LARGE1: variants seen among roughly 807,000 people sequenced by gnomAD.
The protein encoded by LARGE1 is xylosyl- and glucuronyltransferase LARGE1.
In LARGE1, 43 loss-of-function variants were observed where a neutral mutation model predicts 87.6. The ratio of observed to expected loss-of-function variants is 0.49; its 90% CI spans 0.38 to 0.63. LARGE1 has a LOEUF of 0.63. Among genes scored for constraint, LARGE1 ranks in the 30% least tolerant of loss-of-function variants. The probability of loss-of-function intolerance (pLI) is 0.00; values close to 1 mark genes in which losing one functional copy is unlikely to be tolerated. For missense variants in LARGE1, 802 were observed against 1,000.2 expected (o/e 0.80, Z 2.67); for synonymous variants, 434 against 394.6 (o/e 1.10, Z -1.18).
the LARGE1 span, among the ~76,000 whole-genome samples, chr22:33,129,118 G>A: frequency 6.6e-6 from 1 of 152,138 alleles, no homozygotes; most frequent in Non-Finnish European, 1.5e-5. Context: ...GCTTTTAATT[G>A]ATATTTTCTA....
intron 2 of LARGE1, among the ~76,000 whole-genome samples, chr22:33,738,348 A>G (rs2083738464): frequency 6.6e-6 from 1 of 152,184 alleles, no homozygotes; most frequent in Non-Finnish European, 1.5e-5. Context: ...GCGAAGGGGC[A>G]GTGGTTATTT....
intron 8 of LARGE1, among the ~76,000 whole-genome samples, chr22:33,382,894 A>G: frequency 6.6e-6 from 1 of 152,176 alleles, no homozygotes; most frequent in African/African-American, 2.4e-5. Flanking sequence ...CTCATTCATT[A>G]TACTCTATCT....
At chr22:33,819,005 C>T (rs2086739675) in intron 1 of LARGE1, among the ~76,000 whole-genome samples, 1 of 152,192 alleles carries the variant, frequency 6.6e-6, no homozygotes, top group African/African-American at 2.4e-5. Flanking sequence ...TGCCTAATTA[C>T]TTGGGCACAT....
At chr22:33,684,290 T>A (rs1177369391) in intron 2 of LARGE1, among the ~76,000 whole-genome samples, 1 of 151,272 alleles carries the variant, frequency 6.6e-6, no homozygotes, top group South Asian at 2.1e-4. Flanking sequence ...GGTAACAAAT[T>A]TACGTAAGAG....
intron 6 of LARGE1, among the ~76,000 whole-genome samples, chr22:33,461,666 GA>G (rs1412722415): frequency 7.8e-6 from 1 of 127,894 alleles, no homozygotes; most frequent in Non-Finnish European, 1.7e-5. Flanking sequence ...AAAAAAAAAA[GA>G]AAAAAGAAAA....
chr22:33,159,008 A>T (rs1220559915), downstream of LARGE1, among the ~76,000 whole-genome samples: 1 of 152,226 alleles, frequency 6.6e-6, no homozygotes, highest in Non-Finnish European at 1.5e-5. Context: ...GTAGTCTGAT[A>T]TATAACCTAA....
chr22:33,305,597 G>A, intron 11 of LARGE1: 3 of 985,282 alleles, frequency 3.0e-6, no homozygotes, highest in Non-Finnish European at 3.6e-6. Context: ...ACGATTACCA[G>A]GAAATCGATT....
chr22:33,353,946 A>G (rs1940648409), intron 9 of LARGE1, among the ~76,000 whole-genome samples: 1 of 152,248 alleles, frequency 6.6e-6, no homozygotes, highest in South Asian at 2.1e-4. Flanking sequence ...TATAAAGGCA[A>G]GACTAAAAAT....
chr22:33,253,580 C>T (rs1927109592), intron 11 of LARGE1, among the ~76,000 whole-genome samples: 1 of 152,162 alleles, frequency 6.6e-6, no homozygotes, highest in Non-Finnish European at 1.5e-5. Context: ...GGTGTGGTGG[C>T]AGGCGCCTAT....
At position 33,912,222 on chromosome 22, in the gene LARGE1, G is replaced by A. The variant is rs369590972; in HGVS notation, c.-83+7773C>T. The stretch of plus-strand genomic sequence containing the variant: ...CAACTGTTCTAAAAACAAAAGGGGA[G>A]GGGATGGCTTCGAGTTAGCCGCAGC... On this transcript the variant is annotated intron_variant, in intron 1 of 14. Transcript: ENST00000397394. Among the ~76,000 whole-genome samples, 11 of 152,314 alleles carry A rather than the reference G, an allele frequency of 7.2e-5. No individual in the cohort carries two copies. In the East Asian group the frequency reaches 1.2e-3, roughly 16 times the overall value.
intron 6 of LARGE1, among the ~76,000 whole-genome samples, chr22:33,464,896 CACACACACACAT>C (rs2068533937): frequency 2.8e-5 from 4 of 145,042 alleles, no homozygotes; most frequent in Admixed American, 1.3e-4. Context: ...CACACATACA[CACACACACACAT>C]ACACATGCAC....
At chr22:33,651,114 G>A (rs2080789570) in intron 2 of LARGE1, among the ~76,000 whole-genome samples, 1 of 151,336 alleles carries the variant, frequency 6.6e-6, no homozygotes, top group Admixed American at 6.6e-5. Flanking sequence ...CAGGCGCAGT[G>A]GCTCACGCCT....
intron 2 of LARGE1, among the ~76,000 whole-genome samples, chr22:33,687,546 G>A (rs2081980971): frequency 1.3e-5 from 2 of 152,284 alleles, no homozygotes; most frequent in Middle Eastern, 6.8e-3. Flanking sequence ...GAGTAGGCAC[G>A]AAGCAGACAT....
intron 1 of LARGE1, among the ~76,000 whole-genome samples, chr22:33,896,610 T>C (rs1196218900): frequency 6.6e-6 from 1 of 152,088 alleles, no homozygotes; most frequent in Non-Finnish European, 1.5e-5. Context: ...GTTAGCACCA[T>C]CTCTCCCTCA....
chr22:33,202,767 C>T (rs1924461768), intron 11 of LARGE1, among the ~76,000 whole-genome samples: 1 of 152,102 alleles, frequency 6.6e-6, no homozygotes. Flanking sequence ...ATCAATCCCT[C>T]AAATCTGGTT....
rs1569410793 is a variant in LARGE1 at position 33,729,181 on chromosome 22, G to GT, written c.106+32189dup. ...GAGTTAACTTACAATTAAAACACAT[G>GT]TATATAGAACACCAAAGTGCAGATT... On this transcript the variant is annotated intron_variant, in intron 2 of 14. Transcript: ENST00000397394. 2.0e-5 allele frequency among the ~76,000 whole-genome samples: 3 copies of GT among 152,292 alleles called. No individual in the cohort carries two copies. The East Asian group carries it at 5.8e-4, about 29-fold the overall frequency.
At chr22:33,258,224 G>A (rs2145737616) in intron 11 of LARGE1, among the ~76,000 whole-genome samples, 1 of 152,234 alleles carries the variant, frequency 6.6e-6, no homozygotes, top group Admixed American at 6.5e-5. Flanking sequence ...TAGAGATGGG[G>A]TTTCACCATG....
intron 7 of LARGE1, among the ~76,000 whole-genome samples, chr22:33,419,735 G>A (rs1181462583): frequency 4.6e-5 from 7 of 152,102 alleles, no homozygotes; most frequent in Admixed American, 2.0e-4. Flanking sequence ...CTATTGCCCA[G>A]GCTGAAGTGT....
At chr22:33,191,014 T>A (rs1923748148) in intron 11 of LARGE1, among the ~76,000 whole-genome samples, 1 of 152,238 alleles carries the variant, frequency 6.6e-6, no homozygotes, top group South Asian at 2.1e-4. Flanking sequence ...ATTTTTCTTT[T>A]TAAACACCTG....
Sources: allele counts gnomAD v4.1 joint callset (sites outside exome capture counted in the v4.1 genomes callset), GRCh38; gene constraint gnomAD v4.1.1; transcripts MANE v1.5; gene names NCBI Gene and HGNC (gene_info 2026-07-23, HGNC 2026-07-21).